CRCP: variants seen among roughly 807,000 people sequenced by gnomAD.
The protein encoded by CRCP is CGRP receptor component.
In CRCP, 18 loss-of-function variants were observed where a neutral mutation model predicts 18.5. That is an observed-to-expected ratio of 0.97 (90% CI 0.67 to 1.44). CRCP has a LOEUF of 1.44. CRCP is among the 40% of genes most tolerant of loss of function. The probability of loss-of-function intolerance (pLI) is 0.00; values close to 1 mark genes in which losing one functional copy is unlikely to be tolerated. For missense variants in CRCP, 130 were observed against 176.4 expected (o/e 0.74, Z 1.49); for synonymous variants, 53 against 62.9 (o/e 0.84, Z 0.75).
chr7:66,144,196 C>T (rs554204494), intron 4 of CRCP, among the ~76,000 whole-genome samples: 3 of 152,322 alleles, frequency 2.0e-5, no homozygotes, highest in Admixed American at 6.5e-5. Context: ...CATGATTCAG[C>T]CACCCTTTCA....
intron 3 of CRCP, 133 bp downstream of exon 3, chr7:66,130,975 T>C (rs1439306616): frequency 8.2e-6 from 5 of 607,074 alleles, no homozygotes; most frequent in Non-Finnish European, 1.5e-5. Flanking sequence ...CTGATTTTTG[T>C]TTGTTTGTTT....
chr7:66,114,871 T>G lies in CRCP; in HGVS notation c.-92T>G, dbSNP rs773359420. Reference sequence around the variant, plus strand: ...CGGCGAGCACCTTGGCGCGCGGAGCTGGCACCTTGGCGCTGTTGGTGGCGG... The same window carrying G: ...CGGCGAGCACCTTGGCGCGCGGAGCGGGCACCTTGGCGCTGTTGGTGGCGG... On this transcript the variant is annotated 5_prime_UTR_variant, in exon 1 of 6. Transcript: ENST00000395326. 2 of 1,605,666 alleles carry G rather than the reference T, an allele frequency of 1.2e-6. No individual in the cohort carries two copies. Among genetic ancestry groups the G allele is most frequent in the African/African-American group, 1.3e-5 (1 of 74,716 alleles).
chr7:66,127,880 G>A, intron 2 of CRCP, 140 bp downstream of exon 2: 4 of 900,018 alleles, frequency 4.4e-6, no homozygotes, highest in Middle Eastern at 2.5e-4. Flanking sequence ...TTGGGAGGCT[G>A]AGGCTGGATC....
At chr7:66,145,637 C>A (rs1316886280) in intron 5 of CRCP, 137 bp downstream of exon 5, 3 of 791,928 alleles carry the variant, frequency 3.8e-6, no homozygotes, top group East Asian at 5.5e-5. Flanking sequence ...AGAGACCTTG[C>A]CAGTTTGATC....
At chr7:66,128,937 G>A (rs1057252948) in intron 2 of CRCP, among the ~76,000 whole-genome samples, 2 of 152,100 alleles carry the variant, frequency 1.3e-5, no homozygotes, top group Non-Finnish European at 2.9e-5. Flanking sequence ...AGTGTCTCAC[G>A]CCTGTAATCT....
intron 3 of CRCP, among the ~76,000 whole-genome samples, chr7:66,133,160 T>C (rs1787859439): frequency 1.3e-5 from 2 of 152,118 alleles, no homozygotes; most frequent in South Asian, 2.1e-4. Context: ...GGTGGGTCTT[T>C]CCTGCAGTAG....
At position 66,152,229 on chromosome 7, in the gene CRCP, C is replaced by T. The variant is rs371302904; in HGVS notation, c.319C>T (p.Arg107Trp). 57 of 1,613,876 alleles carry T rather than the reference C, an allele frequency of 3.5e-5. No homozygotes were observed. The highest frequency in any genetic ancestry group is 4.4e-5 in the Non-Finnish European group (52 of 1,179,980). The change falls in exon 6 of 6, where the codon CGG (arginine) becomes TGG (tryptophan). Residue 107 changes from arginine (R) to tryptophan (W), a missense_variant. Transcript: ENST00000395326. ...GCAGATGGTGGAAGAGAGTGAAGAG[C>T]GGCTCACGGAGGAGCAGATTGAAGC... ...IQLMVEESEERLTEEQIEALL... is the reference protein window; with the variant it reads ...IQLMVEESEEWLTEEQIEALL...
intron 1 of CRCP, chr7:66,126,537 T>C: frequency 3.1e-6 from 1 of 322,910 alleles, no homozygotes; most frequent in South Asian, 2.4e-5. Context: ...TTGTGCTTTA[T>C]CTCTGCAGAG....
intron 4 of CRCP, among the ~76,000 whole-genome samples, chr7:66,138,884 T>TC (rs397933198): frequency 9.9e-5 from 15 of 151,738 alleles, no homozygotes; most frequent in African/African-American, 1.5e-4. Context: ...AGCTTTTTTT[T>TC]CCCCAGTTTA....
rs556863339 is a variant in CRCP at position 66,123,905 on chromosome 7, C to T, written c.9-3799C>T. ...GTCTGTACTAAAAAAATGAGCCGGG[C>T]GTGGTGGCTGGCGCCTGTAGTCCCA... On this transcript the variant is annotated intron_variant, in intron 1 of 5. Transcript: ENST00000395326. 7.1e-4 allele frequency among the ~76,000 whole-genome samples: 102 copies of T among 143,212 alleles called. 1 individual carries two copies. Among genetic ancestry groups the T allele is most frequent in the Non-Finnish European group, 1.2e-3 (80 of 66,086 alleles). 94.0% of individuals were successfully genotyped at this position (143,212 alleles called of 152,430 possible).
At chr7:66,133,456 C>T (rs1403730050) in intron 3 of CRCP, among the ~76,000 whole-genome samples, 9 of 149,474 alleles carry the variant, frequency 6.0e-5, no homozygotes, top group South Asian at 2.1e-4. Flanking sequence ...TGCAGTGAGC[C>T]GAGATCGTGC....
intron 2 of CRCP, among the ~76,000 whole-genome samples, chr7:66,129,237 G>A (rs903557550): frequency 2.6e-5 from 4 of 152,176 alleles, no homozygotes; most frequent in Admixed American, 6.5e-5. Flanking sequence ...GGAGGCTCAG[G>A]CAGGAGAATG....
At position 66,152,686 on chromosome 7, in the gene CRCP, G is replaced by A. The variant is rs2292937; in HGVS notation, c.*329G>A. On this transcript the variant is annotated 3_prime_UTR_variant, in exon 6 of 6. Coordinates refer to ENST00000395326, the MANE Select transcript of CRCP (RefSeq NM_014478.5). ...GCACAGCGGGGAAAATGCTTGTGTC[G>A]CCTTTGGTGGGCCATGTCCTAATTA... 10,123 of 259,828 alleles carry A rather than the reference G, an allele frequency of 0.039. 280 individuals are homozygous for A. Among genetic ancestry groups the A allele is most frequent in the East Asian group, 0.082 (814 of 9,926 alleles). 16.1% of individuals were successfully genotyped at this position (259,828 alleles called of 1,614,324 possible).
rs566562583 is a variant in CRCP at position 66,118,702 on chromosome 7, T to G, written c.8+3732T>G. 2.0e-5 allele frequency among the ~76,000 whole-genome samples: 3 copies of G among 152,356 alleles called. No homozygotes were observed. In the South Asian group the frequency reaches 6.2e-4, roughly 32 times the overall value. ...ATACTTTAAATCATCTCTAGATGAC[T>G]TATTATGATACCATGACATGTAATA... On this transcript the variant is annotated intron_variant, in intron 1 of 5. Transcript: ENST00000395326.
intron 4 of CRCP, among the ~76,000 whole-genome samples, chr7:66,142,965 CT>C (rs899162444): frequency 8.5e-5 from 13 of 152,298 alleles, no homozygotes; most frequent in Admixed American, 8.5e-4. Flanking sequence ...ACTAGACACA[CT>C]TTTTGACAGA....
At chr7:66,133,321 C>G (rs920137724) in intron 3 of CRCP, among the ~76,000 whole-genome samples, 4 of 152,002 alleles carry the variant, frequency 2.6e-5, no homozygotes, top group Non-Finnish European at 2.9e-5. Context: ...CTGGCTAACA[C>G]GGTGAAACCT....
chr7:66,148,043 G>C (rs777905668), intron 5 of CRCP, among the ~76,000 whole-genome samples: 1 of 151,722 alleles, frequency 6.6e-6, no homozygotes, highest in Non-Finnish European at 1.5e-5. Context: ...CTGTGTGACT[G>C]AGCAAGAACC....
rs1484742797 is a variant in CRCP, at chr7:66,151,673, C to CTCTGTG, written c.298-534_298-533insCTGTGT. 3.6e-3 allele frequency among the ~76,000 whole-genome samples: 504 copies of CTCTGTG among 138,568 alleles called. 6 individuals are homozygous for CTCTGTG. Among genetic ancestry groups the CTCTGTG allele is most frequent in the Middle Eastern group, 0.024 (6 of 252 alleles). 90.9% of individuals were successfully genotyped at this position (138,568 alleles called of 152,430 possible). ...TATGCAACCTGTTCACCACTTCTCT[C>CTCTGTG]TGTGTGTGTGTGTGTGTGTGTGTGT... On this transcript the variant is annotated intron_variant, in intron 5 of 5. Transcript: ENST00000395326.
chr7:66,151,947 G>A (rs1374949553), intron 5 of CRCP, among the ~76,000 whole-genome samples: 1 of 151,690 alleles, frequency 6.6e-6, no homozygotes, highest in East Asian at 1.9e-4. Context: ...TTCCCAGGCT[G>A]GGGGTTTTCC....
Sources: allele counts gnomAD v4.1 joint callset (sites outside exome capture counted in the v4.1 genomes callset), GRCh38; gene constraint gnomAD v4.1.1; transcripts MANE v1.5; gene names NCBI Gene and HGNC (gene_info 2026-07-23, HGNC 2026-07-21).